ELAPOR2: variants seen among roughly 807,000 people sequenced by gnomAD.
The protein encoded by ELAPOR2 is endosome-lysosome associated apoptosis and autophagy regulator family member 2, also known as endosome/lysosome-associated apoptosis and autophagy regulator family member 2.
A neutral mutation model predicts 120.7 loss-of-function variants in ELAPOR2; 89 were observed. The observed-to-expected ratio is 0.74, with a 90% CI of 0.62 to 0.88. ELAPOR2 has a LOEUF of 0.88. ELAPOR2 is among the 40% of genes least tolerant of loss of function. The pLI, the probability that ELAPOR2 is intolerant of heterozygous loss-of-function variation, is 0.00. For missense variants in ELAPOR2, 1,134 were observed against 1,251.6 expected, an observed-to-expected ratio of 0.91 and a Z score of 1.42; for synonymous variants, 444 against 444.9, an observed-to-expected ratio of 1.00 and a Z score of 0.03.
intron 1 of ELAPOR2, among the ~76,000 whole-genome samples, chr7:86,982,116 C>T (rs986387147): frequency 6.6e-6 from 1 of 152,256 alleles, no homozygotes; most frequent in African/African-American, 2.4e-5. Context: ...GAGGGGCATC[C>T]ACCATTGCTG....
At chr7:86,894,740 T>G (rs1261224843) in intron 19 of ELAPOR2, among the ~76,000 whole-genome samples, 1 of 152,070 alleles carries the variant, frequency 6.6e-6, no homozygotes, top group East Asian at 1.9e-4. Context: ...GCTGAAAAAT[T>G]TATTCTTCTA....
intron 1 of ELAPOR2, among the ~76,000 whole-genome samples, chr7:86,968,415 A>C (rs1791993325): frequency 6.6e-6 from 1 of 152,232 alleles, no homozygotes; most frequent in South Asian, 2.1e-4. Context: ...TTCGAAGGAC[A>C]TACCAAAACA....
At position 86,964,920 on chromosome 7, in the gene ELAPOR2, C is replaced by T. The variant is rs1200328983; in HGVS notation, c.294G>A (p.Val98=). 7 of 1,551,540 alleles carry T rather than the reference C, an allele frequency of 4.5e-6. No homozygotes were observed. Among genetic ancestry groups the T allele is most frequent in the Non-Finnish European group, 6.1e-6 (7 of 1,146,864 alleles). The change falls in exon 2 of 22, where the codon GTG becomes GTA. Residue 98 remains valine, a synonymous_variant. Coordinates refer to ENST00000450689, the MANE Select transcript of ELAPOR2 (RefSeq NM_001142749.3). ...AAAACATACTGCATTCTTTGCCTCT[C>T]ACTGGGTCAGGCAGGCCAGAGCAGT... ...AVDCSGLPDP[V]RGKECTFSCA...
intron 21 of ELAPOR2, among the ~76,000 whole-genome samples, chr7:86,888,379 C>T (rs748979968): frequency 6.6e-6 from 1 of 152,066 alleles, no homozygotes; most frequent in Non-Finnish European, 1.5e-5. Flanking sequence ...AGCTTAGACC[C>T]TGAGAAGTAT....
chr7:87,025,872 G>C (rs2116715615), intron 1 of ELAPOR2, among the ~76,000 whole-genome samples: 1 of 152,056 alleles, frequency 6.6e-6, no homozygotes, highest in Non-Finnish European at 1.5e-5. Flanking sequence ...GAAAAAAATT[G>C]TCAATTAGAA....
At chr7:86,974,790 A>T (rs1159694893) in intron 1 of ELAPOR2, among the ~76,000 whole-genome samples, 1 of 152,176 alleles carries the variant, frequency 6.6e-6, no homozygotes, top group East Asian at 1.9e-4. Context: ...ACATAAAAAA[A>T]AATTCATATT....
At chr7:86,996,820 C>T (rs145649176) in intron 1 of ELAPOR2, among the ~76,000 whole-genome samples, 1,750 of 152,248 alleles carry the variant, frequency 0.011, 22 homozygotes, top group South Asian at 0.051. Flanking sequence ...ATCTCTCCTT[C>T]CTCCCATGCC....
chr7:86,982,037 C>T (rs970060900), intron 1 of ELAPOR2, among the ~76,000 whole-genome samples: 12 of 152,264 alleles, frequency 7.9e-5, no homozygotes, highest in African/African-American at 2.7e-4. Flanking sequence ...GGTCCCATGC[C>T]CACAGAGCCT....
intron 1 of ELAPOR2, among the ~76,000 whole-genome samples, chr7:87,022,213 A>G (rs1050370604): frequency 6.8e-6 from 1 of 146,146 alleles, no homozygotes; most frequent in South Asian, 2.4e-4. Context: ...ATATCTCCTA[A>G]TGCTATCCCT....
chr7:86,939,915 A>T, intron 6 of ELAPOR2, 95 bp downstream of exon 6: 1 of 666,442 alleles, frequency 1.5e-6, no homozygotes, highest in Non-Finnish European at 2.5e-6. Context: ...TCTGTTCTAT[A>T]AATCTTTGAG....
chr7:86,961,914 T>C (rs1484193580), intron 2 of ELAPOR2, among the ~76,000 whole-genome samples: 1 of 152,172 alleles, frequency 6.6e-6, no homozygotes, highest in Non-Finnish European at 1.5e-5. Context: ...GATGAGATCA[T>C]CTCAGTGGCC....
chr7:86,936,967 A>C (rs1484785213), intron 8 of ELAPOR2, among the ~76,000 whole-genome samples: 2 of 152,118 alleles, frequency 1.3e-5, no homozygotes, highest in Non-Finnish European at 2.9e-5. Context: ...CTTACTTATT[A>C]ATAAGGCAGG....
At chr7:87,052,025 T>C (rs1373273519) in intron 1 of ELAPOR2, among the ~76,000 whole-genome samples, 1 of 152,200 alleles carries the variant, frequency 6.6e-6, no homozygotes, top group Non-Finnish European at 1.5e-5. Flanking sequence ...TCATGGTCCA[T>C]TTGATGTGAT....
intron 21 of ELAPOR2, 148 bp from the exon 22 acceptor site, chr7:86,880,678 G>A (rs1047645885): frequency 8.2e-6 from 5 of 610,554 alleles, no homozygotes; most frequent in East Asian, 5.6e-5. Flanking sequence ...AAATTGGGTG[G>A]CAGATATAAA....
intron 1 of ELAPOR2, among the ~76,000 whole-genome samples, chr7:87,019,779 T>A (rs1793981710): frequency 6.6e-6 from 1 of 152,212 alleles, no homozygotes; most frequent in Non-Finnish European, 1.5e-5. Flanking sequence ...AAAACATTTC[T>A]ATTCCCAGGA....
At chr7:87,018,861 G>A (rs1246046053) in intron 1 of ELAPOR2, among the ~76,000 whole-genome samples, 1 of 152,138 alleles carries the variant, frequency 6.6e-6, no homozygotes, top group East Asian at 1.9e-4. Context: ...TAAGTCACTG[G>A]AGAAAGTTAT....
Position 86,913,148 on chromosome 7 carries a change from T to C in ELAPOR2, c.1788A>G (p.Ala596=). Residue 596 remains alanine (A), a synonymous_variant, in exon 14 of 22, where the codon GCA becomes GCG. Coordinates refer to ENST00000450689, the MANE Select transcript of ELAPOR2 (RefSeq NM_001142749.3). ...GGCATGAGGACGCCACCCCATCAAC[T>C]GCATTAGTGGCTGTGATAGAATAAA... ...VKIYSITATN[A]VDGVASSCRA... 1 of 1,614,036 alleles carries C rather than the reference T, an allele frequency of 6.2e-7. No individual in the cohort carries two copies. The highest frequency in any genetic ancestry group is 8.5e-7 in the Non-Finnish European group (1 of 1,179,992).
At chr7:86,893,947 G>A (rs1788317303) in intron 19 of ELAPOR2, among the ~76,000 whole-genome samples, 1 of 152,010 alleles carries the variant, frequency 6.6e-6, no homozygotes, top group Non-Finnish European at 1.5e-5. Context: ...TTTGCATGGT[G>A]ATTCTATCCA....
At chr7:86,918,716 T>G (rs944201193) in intron 11 of ELAPOR2, among the ~76,000 whole-genome samples, 172 bp from the exon 12 acceptor site, 5 of 152,150 alleles carry the variant, frequency 3.3e-5, no homozygotes, top group African/African-American at 1.2e-4. Context: ...CCACACCCTT[T>G]GTAGACATTG....
Sources: allele counts gnomAD v4.1 joint callset (sites outside exome capture counted in the v4.1 genomes callset), GRCh38; gene constraint gnomAD v4.1.1; transcripts MANE v1.5; gene names NCBI Gene and HGNC (gene_info 2026-07-23, HGNC 2026-07-21).